PIGK: variants seen among roughly 807,000 people sequenced by gnomAD.
PIGK encodes GPI-anchor transamidase.
Under a neutral mutation model 50.6 loss-of-function variants are expected in PIGK, and 42 were observed. The ratio of observed to expected loss-of-function variants is 0.83; its 90% CI spans 0.65 to 1.07. PIGK has a LOEUF of 1.07. PIGK is among the 50% of genes least tolerant of loss of function. The probability of loss-of-function intolerance (pLI) is 0.00; values close to 1 mark genes in which losing one functional copy is unlikely to be tolerated. For missense variants in PIGK, 448 were observed against 488.7 expected, an observed-to-expected ratio of 0.92 and a Z score of 0.78; for synonymous variants, 151 against 156.0, an observed-to-expected ratio of 0.97 and a Z score of 0.24.
intron 10 of PIGK, among the ~76,000 whole-genome samples, chr1:77,111,647 A>G (rs529098058): frequency 6.6e-6 from 1 of 151,876 alleles, no homozygotes; most frequent in Non-Finnish European, 1.5e-5. Context: ...TAGGAGATAT[A>G]CCTAATGCTA....
intron 3 of PIGK, among the ~76,000 whole-genome samples, chr1:77,177,947 T>C (rs1216424570): frequency 6.6e-6 from 1 of 152,154 alleles, no homozygotes; most frequent in Non-Finnish European, 1.5e-5. Context: ...CAGAAGAAGA[T>C]GGCATCTTTT....
chr1:77,161,504 G>C, intron 7 of PIGK, 90 bp downstream of exon 7: 1 of 946,286 alleles, frequency 1.1e-6, no homozygotes, highest in Non-Finnish European at 1.7e-6. Context: ...GTCTAAGAAA[G>C]AACAGATACA....
chr1:77,179,639 G>A (rs1655567310), intron 3 of PIGK, among the ~76,000 whole-genome samples: 1 of 151,980 alleles, frequency 6.6e-6, no homozygotes, highest in Non-Finnish European at 1.5e-5. Flanking sequence ...GGCTGCACTG[G>A]AGTCTCTCAG....
intron 10 of PIGK, among the ~76,000 whole-genome samples, chr1:77,114,553 C>A (rs1477116129): frequency 6.6e-6 from 1 of 151,966 alleles, no homozygotes; most frequent in East Asian, 1.9e-4. Context: ...TTTCACATAT[C>A]AGAAAAGGGA....
chr1:77,127,380 C>T (rs1023981110), intron 9 of PIGK, among the ~76,000 whole-genome samples: 2 of 152,110 alleles, frequency 1.3e-5, no homozygotes, highest in Non-Finnish European at 2.9e-5. Flanking sequence ...TATAGTGCCA[C>T]ACTGAGATCA....
chr1:77,171,260 C>A (rs865778144), intron 3 of PIGK, among the ~76,000 whole-genome samples: 7 of 151,336 alleles, frequency 4.6e-5, no homozygotes, highest in Admixed American at 2.6e-4. Context: ...CACAGTGAAA[C>A]CCTGTCTCTA....
chr1:77,128,336 C>T (rs924228554), intron 9 of PIGK, among the ~76,000 whole-genome samples: 6 of 152,184 alleles, frequency 3.9e-5, no homozygotes, highest in Admixed American at 3.9e-4. Context: ...TAAGGTTACA[C>T]TAATTTATGG....
chr1:77,151,842 A>C (rs1654899552), intron 9 of PIGK, among the ~76,000 whole-genome samples: 1 of 152,168 alleles, frequency 6.6e-6, no homozygotes, highest in African/African-American at 2.4e-5. Flanking sequence ...AAATTGAAGA[A>C]GACACAAAAA....
intron 3 of PIGK, among the ~76,000 whole-genome samples, chr1:77,206,278 C>T (rs1656285044): frequency 6.6e-6 from 1 of 152,158 alleles, no homozygotes; most frequent in Non-Finnish European, 1.5e-5. Flanking sequence ...ACTAATTTGG[C>T]AAGGTAATCA....
At chr1:77,172,070 A>ATTTTT (rs34115617) in intron 3 of PIGK, among the ~76,000 whole-genome samples, 5 of 130,936 alleles carry the variant, frequency 3.8e-5, no homozygotes, top group Non-Finnish European at 6.4e-5. Context: ...TCTACATTTA[A>ATTTTT]TTTTTTTTTT....
At chr1:77,207,355 T>C (rs1656313752) in intron 2 of PIGK, among the ~76,000 whole-genome samples, 1 of 152,152 alleles carries the variant, frequency 6.6e-6, no homozygotes, top group African/African-American at 2.4e-5. Context: ...AAAATTAAAT[T>C]CTTTAGAATC....
At chr1:77,152,229 G>T (rs911868069) in intron 9 of PIGK, among the ~76,000 whole-genome samples, 1 of 151,872 alleles carries the variant, frequency 6.6e-6, no homozygotes, top group Non-Finnish European at 1.5e-5. Flanking sequence ...TCCAACAAAG[G>T]TGCCAAGAAT....
chr1:77,206,824 T>TA lies in PIGK; in HGVS notation c.148-94dup, dbSNP rs1656298253. On this transcript the variant is annotated intron_variant, in intron 2 of 10. Transcript: ENST00000370812. ...TCTTTAAGTAGGATACAGAGATCTC[T>TA]AAGAAACAGTATGCCATAATTCAGG... is the stretch of plus-strand genomic sequence containing the variant. 1.1e-5 allele frequency: 8 copies of TA among 714,376 alleles called. No homozygotes were observed. In the South Asian group the frequency reaches 1.3e-4, roughly 12 times the overall value. The allele number at this position is 714,376 out of a possible 1,614,324, so 44.3% of individuals were successfully genotyped here. A position where few individuals can be genotyped will look rare whatever the true frequency, so the allele number is the denominator to read the frequency against.
intron 10 of PIGK, among the ~76,000 whole-genome samples, chr1:77,116,096 C>T (rs377617124): frequency 7.2e-5 from 11 of 152,020 alleles, no homozygotes; most frequent in African/African-American, 1.7e-4. Flanking sequence ...TTTGTTTACA[C>T]GGAGCCTCTG....
intron 3 of PIGK, among the ~76,000 whole-genome samples, chr1:77,178,944 T>C (rs187910733): frequency 9.2e-5 from 14 of 152,280 alleles, no homozygotes; most frequent in Admixed American, 7.8e-4. Flanking sequence ...CTCACCTAAG[T>C]GAGAACCTGA....
At chr1:77,122,462 T>A (rs1654122955) in intron 9 of PIGK, 103 bp from the exon 10 acceptor site, 1 of 649,488 alleles carries the variant, frequency 1.5e-6, no homozygotes, top group Non-Finnish European at 2.7e-6. Context: ...AATGCATAGA[T>A]TTTTTTTGAA....
At chr1:77,153,598 T>A (rs1343055822) in intron 9 of PIGK, 1 of 151,896 alleles carries the variant, frequency 6.6e-6, no homozygotes, top group Non-Finnish European at 1.5e-5. Flanking sequence ...ATATCACATG[T>A]ACCCCAAAAA....
chr1:77,169,126 C>T, intron 4 of PIGK, 134 bp downstream of exon 4: 1 of 525,094 alleles, frequency 1.9e-6, no homozygotes, highest in African/African-American at 2.0e-5. Flanking sequence ...ATATGAACTT[C>T]AGAGAAGTTA....
chr1:77,147,210 T>C (rs1383655490), intron 9 of PIGK, among the ~76,000 whole-genome samples: 1 of 152,100 alleles, frequency 6.6e-6, no homozygotes, highest in East Asian at 1.9e-4. Flanking sequence ...CTCGTGAGAC[T>C]TATTCACTAC....
Sources: allele counts gnomAD v4.1 joint callset (sites outside exome capture counted in the v4.1 genomes callset), GRCh38; gene constraint gnomAD v4.1.1; transcripts MANE v1.5; gene names NCBI Gene and HGNC (gene_info 2026-07-23, HGNC 2026-07-21).